LZTR1: variants seen among roughly 807,000 people sequenced by gnomAD.
LZTR1 encodes leucine-zipper-like transcriptional regulator 1.
In LZTR1, 260 loss-of-function variants were observed where a neutral mutation model predicts 105.7. The ratio of observed to expected loss-of-function variants is 2.46; its 90% CI spans 2.22 to 2.72. The LOEUF (loss-of-function observed/expected upper bound fraction) is 2.72. Ranked by LOEUF, LZTR1 falls within the 30% of genes most tolerant of loss-of-function variation. The pLI, the probability that LZTR1 is intolerant of heterozygous loss-of-function variation, is 0.00. For synonymous variants in LZTR1, 490 were observed against 476.4 expected, an observed-to-expected ratio of 1.03 and a Z score of -0.37; for missense variants, 1,214 against 1,166.9, an observed-to-expected ratio of 1.04 and a Z score of -0.59.
chr22:20,993,737 G>C lies in LZTR1; in HGVS notation c.1336G>C (p.Glu446Gln). 1 of 1,613,258 alleles carries C rather than the reference G, an allele frequency of 6.2e-7. No homozygotes were observed. Among genetic ancestry groups the C allele is most frequent in the Non-Finnish European group, 8.5e-7 (1 of 1,179,862 alleles). ...LWESRQFCDV[E>Q]FVLGEKEECV... Reference sequence around the variant, plus strand: ...GGAGAGCCGCCAGTTCTGCGACGTGGAGTTCGTGCTGGGTGAGGTGGGTGC... The same window carrying C: ...GGAGAGCCGCCAGTTCTGCGACGTGCAGTTCGTGCTGGGTGAGGTGGGTGC... Residue 446 changes from glutamate (E) to glutamine (Q), a missense_variant, in exon 12 of 21, where the codon GAG (glutamate) becomes CAG (glutamine). Coordinates refer to ENST00000646124, the MANE Select transcript of LZTR1 (RefSeq NM_006767.4).
intron 7 of LZTR1, among the ~76,000 whole-genome samples, 190 bp downstream of exon 7, chr22:20,989,872 C>T (rs775117052): frequency 1.1e-4 from 17 of 152,124 alleles, no homozygotes; most frequent in Non-Finnish European, 1.6e-4. Context: ...ACCTGAGCCT[C>T]GCTCTCCTCC....
chr22:20,994,148 C>T lies in LZTR1; in HGVS notation c.1494C>T (p.Gly498=), dbSNP rs772242645. The change falls in exon 14 of 21, where the codon GGC becomes GGT. Residue 498 remains glycine, a synonymous_variant. Transcript: ENST00000646124. The stretch of plus-strand genomic sequence containing the variant: ...CCCCAGTTCCCAGGGAGGCCCCCGG[C>T]GTGGCTGCTGGTGGGGCCCGGCCGC... ...EAAPVPREAP[G]VAAGGARPPL... The T allele has an allele frequency of 2.9e-5, 46 of 1,594,514 alleles. No homozygotes were observed. The highest frequency in any genetic ancestry group is 1.7e-4 in the Middle Eastern group (1 of 5,820).
chr22:20,992,563 C>T, intron 10 of LZTR1, 194 bp downstream of exon 10: 1 of 692,868 alleles, frequency 1.4e-6, no homozygotes, highest in Non-Finnish European at 2.4e-6. Context: ...CACACACTGG[C>T]CCAAGTGCCC....
In LZTR1 at chr22:20,989,677, G is replaced by A. The variant is rs761739228; in HGVS notation, c.646G>A (p.Glu216Lys). 4 of 1,607,560 alleles carry A rather than the reference G, an allele frequency of 2.5e-6. No homozygotes were observed. The highest frequency in any genetic ancestry group is 1.1e-5 in the South Asian group (1 of 90,768). ...CCAGGACCGAGAGCTCACCTGCTGG[G>A]AGGAGGTGAGGGGCGTGGGGAGCCA... ...GLQDRELTCW[E>K]EVAQSGEIPP... The change falls in exon 7 of 21, where the codon GAG becomes AAG. Residue 216 changes from glutamate (E) to lysine (K), a missense_variant. Coordinates refer to ENST00000646124, the MANE Select transcript of LZTR1 (RefSeq NM_006767.4).
At chr22:20,994,509 C>CT in intron 14 of LZTR1, 49 bp from the exon 15 acceptor site, 2 of 1,584,318 alleles carry the variant, frequency 1.3e-6, no homozygotes, top group South Asian at 2.2e-5. Flanking sequence ...GCCCTGTGCC[C>CT]TGCCCTCCCC....
In LZTR1 at chr22:20,998,844, A is replaced by G. The variant is rs1924989962; in HGVS notation, c.*1496A>G. ...AGTGGGGCCACACACCCATCTACCCAGTTTCCACAAGATGTGGCTCCTGCC... is the reference window on the plus strand; with the variant it reads ...AGTGGGGCCACACACCCATCTACCCGGTTTCCACAAGATGTGGCTCCTGCC... On this transcript the variant is annotated 3_prime_UTR_variant, in exon 21 of 21. Coordinates refer to ENST00000646124, the MANE Select transcript of LZTR1 (RefSeq NM_006767.4). 1 of 152,158 alleles carries G rather than the reference A, an allele frequency of 6.6e-6. No homozygotes were observed. The highest frequency in any genetic ancestry group is 6.5e-5 in the Admixed American group (1 of 15,280). The allele number at this position is 152,158 out of a possible 1,614,324, so 9.4% of individuals were successfully genotyped here.
At chr22:20,983,398 G>C (rs1924271025) in intron 2 of LZTR1, among the ~76,000 whole-genome samples, 1 of 152,180 alleles carries the variant, frequency 6.6e-6, no homozygotes, top group Admixed American at 6.5e-5. Flanking sequence ...GCCCTGCCAG[G>C]CACTTTTCTT....
intron 15 of LZTR1, 61 bp from the exon 16 acceptor site, chr22:20,994,809 C>A (rs1253039393): frequency 3.7e-6 from 6 of 1,609,226 alleles, no homozygotes; most frequent in Non-Finnish European, 3.4e-6. Flanking sequence ...ACTGTGAGCC[C>A]CTCGCCCAGC....
At position 20,993,761 on chromosome 22, in the gene LZTR1, GCCTGTCCTCGCAC is replaced by G; in HGVS notation, c.1353+12_1353+24del. 1 of 1,610,720 alleles carries G rather than the reference GCCTGTCCTCGCAC, an allele frequency of 6.2e-7. No homozygotes were observed. Among genetic ancestry groups the G allele is most frequent in the South Asian group, 1.1e-5 (1 of 90,918 alleles). ...GGAGTTCGTGCTGGGTGAGGTGGGT[GCCTGTCCTCGCAC>G]CCTGCTCTGCCTGCTGTGCCTGGGC... On this transcript the variant is annotated splice_region_variant and intron_variant, in intron 12 of 20. Coordinates refer to ENST00000646124, the MANE Select transcript of LZTR1 (RefSeq NM_006767.4).
rs752729447 is a variant in LZTR1 at position 20,983,039 on chromosome 22, C to T, written c.213C>T (p.His71=). 6.2e-7 allele frequency: 1 copy of T among 1,614,128 alleles called. No individual in the cohort carries two copies. Among genetic ancestry groups the T allele is most frequent in the East Asian group, 2.2e-5 (1 of 44,886 alleles). The change falls in exon 2 of 21, where the codon CAC becomes CAT. Residue 71 remains histidine (H), a synonymous_variant. Coordinates refer to ENST00000646124, the MANE Select transcript of LZTR1 (RefSeq NM_006767.4). ...DEFVGARRSK[H]TVVAYKDAIY... ...CCTTTCTTTCCAGGCGCAGCAAGCACACAGTGGTGGCCTATAAAGATGCCA... is the reference window on the plus strand; with the variant it reads ...CCTTTCTTTCCAGGCGCAGCAAGCATACAGTGGTGGCCTATAAAGATGCCA...
In LZTR1 at chr22:20,997,241, T is replaced by G; in HGVS notation, c.2416T>G (p.Leu806Val). Residue 806 changes from leucine to valine, a missense_variant, in exon 21 of 21, where the codon TTG (leucine) becomes GTG (valine). Leu to Val is a conservative substitution (Grantham distance 32). Coordinates refer to ENST00000646124, the MANE Select transcript of LZTR1 (RefSeq NM_006767.4). ...IVHQFTKVSK[L>V]PTLRSLSQQL... Reference sequence around the variant, plus strand: ...CCTGCTTGCCTTACAGGTCTCCAAGTTGCCCACCCTGCGGTCGCTGAGCCA... The same window carrying G: ...CCTGCTTGCCTTACAGGTCTCCAAGGTGCCCACCCTGCGGTCGCTGAGCCA... 1 of 1,612,434 alleles carries G rather than the reference T, an allele frequency of 6.2e-7. No homozygotes were observed.
At chr22:20,987,039 T>C (rs1206097956) in intron 3 of LZTR1, 1 of 151,954 alleles carries the variant, frequency 6.6e-6, no homozygotes, top group Non-Finnish European at 1.5e-5. Flanking sequence ...TGTTTTTTCC[T>C]TATTGGTGAT....
Position 20,996,896 on chromosome 22 carries a change from C to G in LZTR1, c.2336C>G (p.Ala779Gly). ...TVQNVLQILE[A>G]ADKTQALDMK... ...TCCCTGCCATTGCAGATCCTGGAGG[C>G]AGCTGACAAAACGCAGGCACTGGAC... Residue 779 changes from alanine to glycine, a missense_variant, in exon 20 of 21, where the codon GCA becomes GGA. Coordinates refer to ENST00000646124, the MANE Select transcript of LZTR1 (RefSeq NM_006767.4). 6.2e-7 allele frequency: 1 copy of G among 1,612,098 alleles called. No individual in the cohort carries two copies. The highest frequency in any genetic ancestry group is 1.7e-5 in the Admixed American group (1 of 59,952).
chr22:20,987,980 G>A (rs765851814), intron 4 of LZTR1, 30 bp from the exon 5 acceptor site: 2 of 1,347,896 alleles, frequency 1.5e-6, no homozygotes, highest in Admixed American at 1.8e-5. Context: ...TGCCCTTTGG[G>A]TTTGACAGTT....
In LZTR1 at chr22:20,992,239, G is replaced by A. The variant is rs368589786; in HGVS notation, c.1019G>A (p.Arg340Gln). The change falls in exon 10 of 21, where the codon CGA becomes CAA. Residue 340 changes from arginine (R) to glutamine (Q), a missense_variant. Coordinates refer to ENST00000646124, the MANE Select transcript of LZTR1 (RefSeq NM_006767.4). Reference protein sequence around the residue: ...SEVGGAEVPERACASEEVPTL... With the variant: ...SEVGGAEVPEQACASEEVPTL... ...GTTGGTGGGGCTGAAGTGCCCGAGCGAGCCTGTGCTTCCGAGGAGGTGCCC... is the reference window on the plus strand; with the variant it reads ...GTTGGTGGGGCTGAAGTGCCCGAGCAAGCCTGTGCTTCCGAGGAGGTGCCC... 49 of 1,613,872 alleles carry A rather than the reference G, an allele frequency of 3.0e-5. No homozygotes were observed. The highest frequency in any genetic ancestry group is 1.7e-4 in the Middle Eastern group (1 of 6,046).
intron 9 of LZTR1, 28 bp from the exon 10 acceptor site, chr22:20,992,186 C>G: frequency 6.2e-7 from 1 of 1,605,266 alleles, no homozygotes; most frequent in Non-Finnish European, 8.5e-7. Flanking sequence ...GCCAACTGGT[C>G]TCATGCCCAT....
chr22:20,994,788 C>T (rs1030826899), intron 15 of LZTR1, 61 bp downstream of exon 15: 33 of 1,607,370 alleles, frequency 2.1e-5, no homozygotes, highest in Non-Finnish European at 2.8e-5. Context: ...TAGGCCCCCT[C>T]CCTGCCCACC....
In LZTR1 at chr22:20,996,377, G is replaced by T. The variant is rs79866349; in HGVS notation, c.2219+265G>T. 570 of 595,476 alleles carry T rather than the reference G, an allele frequency of 9.6e-4. 2 individuals carry two copies. In the African/African-American group the frequency reaches 9.7e-3, roughly 10 times the overall value. 36.9% of individuals were successfully genotyped at this position (595,476 alleles called of 1,614,324 possible). A position where few individuals can be genotyped will look rare whatever the true frequency, so the allele number is the denominator to read the frequency against. On this transcript the variant is annotated intron_variant, in intron 18 of 20. Coordinates refer to ENST00000646124, the MANE Select transcript of LZTR1 (RefSeq NM_006767.4). ...AGGACGGGGTGGGTCATTGCTTTGT[G>T]TGACAGTTGAGCACAGACATGGAGG...
At chr22:20,995,571 G>T in intron 16 of LZTR1, 175 bp from the exon 17 acceptor site, 2 of 797,658 alleles carry the variant, frequency 2.5e-6, no homozygotes, top group South Asian at 1.5e-5. Flanking sequence ...AGTCGGCCAG[G>T]GCGCCGAGGG....
Sources: gnomAD v4.1 joint callset for allele counts (sites outside exome capture counted in the v4.1 genomes callset) on GRCh38, gnomAD v4.1.1 for gene constraint, MANE v1.5 for transcripts, NCBI Gene and HGNC (gene_info 2026-07-23, HGNC 2026-07-21) for gene names.